SH3BP2: variants seen among roughly 807,000 people sequenced by gnomAD.
SH3BP2 encodes the protein SH3 domain-binding protein 2.
Under a neutral mutation model 56.2 loss-of-function variants are expected in SH3BP2, and 38 were observed. The observed-to-expected ratio is 0.68, with a 90% CI of 0.52 to 0.89. The LOEUF (loss-of-function observed/expected upper bound fraction) is 0.89. Among genes scored for constraint, SH3BP2 ranks in the 40% least tolerant of loss-of-function variants. The pLI is 0.00. For missense variants in SH3BP2, 748 were observed against 762.6 expected, an observed-to-expected ratio of 0.98 and a Z score of 0.23; for synonymous variants, 346 against 316.7, an observed-to-expected ratio of 1.09 and a Z score of -0.98.
In SH3BP2 at chr4:2,840,760, T is replaced by C. The variant is rs184964492; in HGVS notation, c.*6926T>C. 2 of 152,374 alleles carry C rather than the reference T, an allele frequency of 1.3e-5. No homozygotes were observed. Among genetic ancestry groups the C allele is most frequent in the African/African-American group, 4.8e-5 (2 of 41,588 alleles). The allele number at this position is 152,374 out of a possible 1,614,324, so 9.4% of individuals were successfully genotyped here. ...CCAACAACAATGATGCACTTGATAG[T>C]TTGGGAATTTATTATAGCTATCAAT... On this transcript the variant is annotated 3_prime_UTR_variant, in exon 13 of 13. Transcript: ENST00000503393.
rs140532510 is a variant in SH3BP2 at position 2,827,230 on chromosome 4, C to T, written c.429C>T (p.Ser143=). 15 of 1,613,932 alleles carry T rather than the reference C, an allele frequency of 9.3e-6. No homozygotes were observed. Among genetic ancestry groups the T allele is most frequent in the African/African-American group, 1.3e-5 (1 of 75,040 alleles). The part of the protein sequence containing the change: ...HEKKDLPLDT[S]DSSSDTDSFY... ...CGCCCCAACGCACCCTGCATTGCAG[C>T]GACTCCAGCTCGGACACAGACAGCT... The change falls in exon 6 of 13, where the codon AGC becomes AGT. Residue 143 remains serine (S), a splice_region_variant and synonymous_variant. Transcript: ENST00000503393.
chr4:2,831,941 G>T lies in SH3BP2; in HGVS notation c.1369G>T (p.Val457Phe). ...CTTGCAGGTGCCACTGCCCAACTCG[G>T]TCTTCGTCAACACCACGGAGTCCTG... ...DYEKVPLPNS[V>F]FVNTTESCEV... Residue 457 changes from valine (V) to phenylalanine (F), a missense_variant, in exon 10 of 13, where the codon GTC (valine) becomes TTC (phenylalanine). Coordinates refer to ENST00000503393, the MANE Select transcript of SH3BP2 (RefSeq NM_001122681.2). This position sits in a 1 kb window ranked among gnomAD's most constrained non-coding sequence, Gnocchi z 4.1. The T allele has an allele frequency of 6.2e-7, 1 of 1,612,988 alleles. No homozygotes were observed. The highest frequency in any genetic ancestry group is 1.1e-5 in the South Asian group (1 of 91,088).
intron 1 of SH3BP2, chr4:2,799,257 G>A (rs573350642): frequency 1.3e-5 from 13 of 985,452 alleles, no homozygotes; most frequent in East Asian, 1.1e-4. Flanking sequence ...CCCTCACCGC[G>A]ACTGGACTTC....
At chr4:2,795,527 G>T (rs1228091616) in intron 1 of SH3BP2, among the ~76,000 whole-genome samples, 1 of 152,232 alleles carries the variant, frequency 6.6e-6, no homozygotes, top group Non-Finnish European at 1.5e-5. Context: ...CCATCACTGT[G>T]CAGCCTGGGT....
intron 1 of SH3BP2, among the ~76,000 whole-genome samples, chr4:2,800,771 G>A (rs999236328): frequency 2.0e-5 from 3 of 152,192 alleles, no homozygotes; most frequent in African/African-American, 7.2e-5. Context: ...TCCCCAGGGA[G>A]CAGTAAGGGC....
intron 1 of SH3BP2, among the ~76,000 whole-genome samples, chr4:2,819,872 T>G (rs1724206350): frequency 1.4e-5 from 2 of 143,900 alleles, no homozygotes; most frequent in East Asian, 2.2e-4. Flanking sequence ...GGGGCTGGAG[T>G]AGGGGGCAGG....
At chr4:2,827,706 G>A (rs960860808) in intron 7 of SH3BP2, 32 bp downstream of exon 7, 15 of 1,491,928 alleles carry the variant, frequency 1.0e-5, no homozygotes, top group East Asian at 2.4e-5. Flanking sequence ...GGGGAGCTCT[G>A]GGTGTGTAGG....
At chr4:2,799,204 G>T in intron 1 of SH3BP2, 1 of 985,508 alleles carries the variant, frequency 1.0e-6, no homozygotes. Context: ...GCTCCCAGGC[G>T]GGACCCTGGG....
chr4:2,809,433 G>A (rs192339035), intron 1 of SH3BP2, among the ~76,000 whole-genome samples: 1 of 151,644 alleles, frequency 6.6e-6, no homozygotes, highest in Admixed American at 6.6e-5. Context: ...TGGACTCAGT[G>A]CCCTCCCTGA....
rs1234275556 is a variant in SH3BP2, at chr4:2,829,868, C to A, written c.962C>A (p.Ala321Asp). 1 of 1,613,836 alleles carries A rather than the reference C, an allele frequency of 6.2e-7. No homozygotes were observed. The highest frequency in any genetic ancestry group is 2.2e-5 in the East Asian group (1 of 44,890). The stretch of plus-strand genomic sequence containing the variant: ...GGGGCCTGCTCCACTTCCAGTGCTG[C>A]CATCATGGCCACTGCCACCTCCAGA... ...GHGACSTSSA[A>D]IMATATSRNC... Residue 321 changes from alanine to aspartate, a missense_variant, in exon 8 of 13, where the codon GCC (alanine) becomes GAC (aspartate). This residue lies in a region of SH3BP2 where 635 missense variants were observed against 615.0 expected (regional missense o/e 1.03). Transcript: ENST00000503393. The surrounding 1 kb of genome is among the most constrained non-coding windows in gnomAD (Gnocchi z 4.9).
chr4:2,823,583 G>A (rs1339002113), intron 3 of SH3BP2: 4 of 454,458 alleles, frequency 8.8e-6, no homozygotes, highest in Middle Eastern at 3.4e-4. Flanking sequence ...GGTGGGCGGT[G>A]GCCAGGTGGC....
Position 2,799,102 on chromosome 4 carries a change from C to T in SH3BP2, c.-5+5964C>T, listed in dbSNP as rs112144136. On this transcript the variant is annotated intron_variant, in intron 1 of 12. Transcript: ENST00000503393. Reference sequence around the variant, plus strand: ...GCAGCCTCAGCCTCCACCCGCCACCCGTACCCGCCCTGCCTCAGGACTTCG... The same window carrying T: ...GCAGCCTCAGCCTCCACCCGCCACCTGTACCCGCCCTGCCTCAGGACTTCG... 1,521 of 985,562 alleles carry T rather than the reference C, an allele frequency of 1.5e-3. 17 individuals carry two copies. In the African/African-American group the frequency reaches 0.024, roughly 15 times the overall value. The allele number at this position is 985,562 out of a possible 1,614,324, so 61.1% of individuals were successfully genotyped here.
chr4:2,831,739 G>A lies in SH3BP2; in HGVS notation c.1350+60G>A, dbSNP rs1247187941. 6.1e-6 allele frequency: 9 copies of A among 1,464,918 alleles called. No homozygotes were observed. Among genetic ancestry groups the A allele is most frequent in the Non-Finnish European group, 8.5e-6 (9 of 1,064,584 alleles). The allele number at this position is 1,464,918 out of a possible 1,614,324, so 90.7% of individuals were successfully genotyped here. On this transcript the variant is annotated intron_variant, in intron 9 of 12. Transcript: ENST00000503393. The surrounding 1 kb of genome is among the most constrained non-coding windows in gnomAD (Gnocchi z 4.1). ...CAGTAGGTGGACAGGTGGTGGGAAA[G>A]CCATAGGCCAGGGCGGCCCCTCACA...
At position 2,831,609 on chromosome 4, in the gene SH3BP2, C is replaced by T. The variant is rs758128786; in HGVS notation, c.1280C>T (p.Ser427Phe). 47 of 1,601,710 alleles carry T rather than the reference C, an allele frequency of 2.9e-5. No homozygotes were observed. In the South Asian group the frequency reaches 4.6e-4, roughly 16 times the overall value. Residue 427 changes from serine (S) to phenylalanine (F), a missense_variant, in exon 9 of 13, where the codon TCC (serine) becomes TTC (phenylalanine). By Grantham distance (155) the Ser-to-Phe change is radical (BLOSUM62 -2). Around this residue, in one of 3 missense-constraint regions of SH3BP2, gnomAD observed 635 missense variants for 615.0 expected, o/e 1.03. Coordinates refer to ENST00000503393, the MANE Select transcript of SH3BP2 (RefSeq NM_001122681.2). The surrounding 1 kb of genome is among the most constrained non-coding windows in gnomAD (Gnocchi z 4.1). ...PPDGQSFRSF[S>F]FEKPRQPSQA... ...GATGGGCAGAGTTTCAGGAGCTTCT[C>T]CTTTGAAAAGCCCCGGCAACCCTCA...
chr4:2,831,495 T>A lies in SH3BP2; in HGVS notation c.1242-76T>A, dbSNP rs1577370006. ...TGCCGTCCTCACACAGAGGGTGGAG[T>A]GGGGAGGGGAGCAGAGGGTGGCCGC... On this transcript the variant is annotated intron_variant, in intron 8 of 12. Coordinates refer to ENST00000503393, the MANE Select transcript of SH3BP2 (RefSeq NM_001122681.2). This position sits in a 1 kb window ranked among gnomAD's most constrained non-coding sequence, Gnocchi z 4.1. The A allele has an allele frequency of 1.9e-6, 2 of 1,065,564 alleles. No individual in the cohort carries two copies. Among genetic ancestry groups the A allele is most frequent in the South Asian group, 1.3e-5 (1 of 74,142 alleles). 66.0% of individuals were successfully genotyped at this position (1,065,564 alleles called of 1,614,324 possible).
At chr4:2,805,316 G>A (rs200770893) in intron 1 of SH3BP2, among the ~76,000 whole-genome samples, 1 of 152,322 alleles carries the variant, frequency 6.6e-6, no homozygotes, top group Admixed American at 6.5e-5. Context: ...TGCTGGGGCC[G>A]GGAGGTCACC....
intron 2 of SH3BP2, among the ~76,000 whole-genome samples, 187 bp from the exon 3 acceptor site, chr4:2,822,748 T>G (rs1476949758): frequency 6.6e-6 from 1 of 152,188 alleles, no homozygotes; most frequent in East Asian, 1.9e-4. Context: ...TACAATTTTT[T>G]CCGTATTTGG....
rs886059358 is a variant in SH3BP2, at chr4:2,833,922, T to C, written c.*88T>C. On this transcript the variant is annotated 3_prime_UTR_variant, in exon 13 of 13. Coordinates refer to ENST00000503393, the MANE Select transcript of SH3BP2 (RefSeq NM_001122681.2). ...ACGGACATGGGCCCACATGGGAGGG[T>C]GAGCAGGAGCAAGGCTGTGCTTGCC... 2.6e-5 allele frequency: 37 copies of C among 1,435,630 alleles called. No individual in the cohort carries two copies. Among genetic ancestry groups the C allele is most frequent in the Admixed American group, 1.1e-4 (5 of 46,944 alleles). The allele number at this position is 1,435,630 out of a possible 1,614,324, so 88.9% of individuals were successfully genotyped here.
In SH3BP2 at chr4:2,813,851, TGTGA is replaced by T. The variant is rs773430682; in HGVS notation, c.-4-6759_-4-6756del. Reference sequence around the variant, plus strand: ...TGTATATATGTGTTAGTGTGGATGGTGTGAGTGTTAACTGTACATGCATGAGTGT... The same window carrying T: ...TGTATATATGTGTTAGTGTGGATGGTGTGTTAACTGTACATGCATGAGTGT... On this transcript the variant is annotated intron_variant, in intron 1 of 12. Transcript: ENST00000503393. Among the ~76,000 whole-genome samples the T allele has an allele frequency of 3.3e-5, 5 of 152,160 alleles. No homozygotes were observed. The East Asian group carries it at 9.7e-4, about 29-fold the overall frequency.
Sources: allele counts gnomAD v4.1 joint callset (sites outside exome capture counted in the v4.1 genomes callset), GRCh38; gene constraint gnomAD v4.1.1; regional missense constraint gnomAD v4.1.1; non-coding constraint Gnocchi (gnomAD v3.1); transcripts MANE v1.5; gene names NCBI Gene and HGNC (gene_info 2026-07-23, HGNC 2026-07-21).